Variants in SH3GL2 observed in about 807,000 individuals in gnomAD.
The protein encoded by SH3GL2 is SH3 domain containing GRB2 like 2, endophilin A1.
In SH3GL2, 24 loss-of-function variants were observed where a neutral mutation model predicts 46.0. The observed-to-expected ratio is 0.52, with a 90% CI of 0.38 to 0.73. SH3GL2 has a LOEUF of 0.73. Among genes scored for constraint, SH3GL2 ranks in the 30% least tolerant of loss-of-function variants. SH3GL2 has a pLI of 0.00. For missense variants in SH3GL2, 413 were observed against 424.2 expected (o/e 0.97, Z 0.23); for synonymous variants, 196 against 147.1 (o/e 1.33, Z -2.40).
chr9:17,793,501 A>G lies in SH3GL2; in HGVS notation c.859+4A>G. 1 of 1,612,826 alleles carries G rather than the reference A, an allele frequency of 6.2e-7. No individual in the cohort carries two copies. The highest frequency in any genetic ancestry group is 1.7e-4 in the Middle Eastern group (1 of 6,058). On this transcript the variant is annotated splice_donor_region_variant and intron_variant, in intron 8 of 8. Transcript: ENST00000380607. ...ACAGGCACTCCCAAACCTTCAGGTA[A>G]GAGCTGAAACTGCAGATCCTATTGC...
At chr9:17,675,911 C>T (rs1192015232) in intron 1 of SH3GL2, among the ~76,000 whole-genome samples, 2 of 152,152 alleles carry the variant, frequency 1.3e-5, no homozygotes, top group African/African-American at 4.8e-5. Flanking sequence ...CGCCACTGCA[C>T]TCCAGCCTGG....
chr9:17,601,187 C>G (rs1372178103), intron 1 of SH3GL2, among the ~76,000 whole-genome samples: 1 of 152,066 alleles, frequency 6.6e-6, no homozygotes, highest in Non-Finnish European at 1.5e-5. Context: ...ATGGTCATTT[C>G]TTTTTGGTTG....
At chr9:17,653,943 T>C (rs1223963278) in intron 1 of SH3GL2, 1 of 626,998 alleles carries the variant, frequency 1.6e-6, no homozygotes, top group East Asian at 1.4e-4. Flanking sequence ...AAGAAATGAC[T>C]AGGCAGATCT....
intron 1 of SH3GL2, among the ~76,000 whole-genome samples, chr9:17,663,452 A>C (rs190433314): frequency 2.6e-4 from 39 of 152,202 alleles, no homozygotes; most frequent in Non-Finnish European, 5.0e-4. Flanking sequence ...TGAAATTTTA[A>C]CACACATACT....
rs193156764 is a variant in SH3GL2, at chr9:17,664,987, C to G, written c.46-82079C>G. On this transcript the variant is annotated intron_variant, in intron 1 of 8. Coordinates refer to ENST00000380607, the MANE Select transcript of SH3GL2 (RefSeq NM_003026.5). ...GTTTCTTTTAATTTTAAAATGATGT[C>G]AAACTTACATAAAAGTTCCACAGGT... is the stretch of plus-strand genomic sequence containing the variant. Among the ~76,000 whole-genome samples, 305 of 152,072 alleles carry G rather than the reference C, an allele frequency of 2.0e-3. 1 individual carries two copies. The highest frequency in any genetic ancestry group is 7.2e-3 in the African/African-American group (298 of 41,506).
intron 1 of SH3GL2, among the ~76,000 whole-genome samples, chr9:17,623,056 C>T (rs73642000): frequency 0.011 from 972 of 91,306 alleles, 20 homozygotes; most frequent in African/African-American, 0.036. Flanking sequence ...CCTTCCCCTT[C>T]CCCTTCCCCT....
At chr9:17,597,363 A>C (rs377005928) in intron 1 of SH3GL2, among the ~76,000 whole-genome samples, 84 of 152,246 alleles carry the variant, frequency 5.5e-4, no homozygotes, top group African/African-American at 1.9e-3. Context: ...TAAAATACAA[A>C]AAAATTAGCT....
chr9:17,771,446 C>T (rs1823478330), intron 3 of SH3GL2, among the ~76,000 whole-genome samples: 1 of 152,158 alleles, frequency 6.6e-6, no homozygotes, highest in African/African-American at 2.4e-5. Flanking sequence ...CCAGCAGTTC[C>T]TCCCTGGGCA....
At chr9:17,773,702 T>G (rs1823560424) in intron 3 of SH3GL2, among the ~76,000 whole-genome samples, 1 of 152,140 alleles carries the variant, frequency 6.6e-6, no homozygotes, top group Admixed American at 6.6e-5. Flanking sequence ...TGTATTACCA[T>G]AGCTTTGTAG....
At position 17,793,386 on chromosome 9, in the gene SH3GL2, C is replaced by A. The variant is rs761788869; in HGVS notation, c.748C>A (p.Gln250Lys). The A allele has an allele frequency of 1.2e-6, 2 of 1,612,236 alleles. No individual in the cohort carries two copies. The highest frequency in any genetic ancestry group is 2.7e-5 in the African/African-American group (2 of 74,832). The change falls in exon 8 of 9, where the codon CAG (glutamine) becomes AAG (lysine). Residue 250 changes from glutamine (Q) to lysine (K), a missense_variant. Physicochemically the swap from Gln to Lys is moderately conservative, Grantham distance 53. Transcript: ENST00000380607. ...LEERIRQASS[Q>K]PRREYQPKPR... ...CTGCAGAATAAGACAGGCTTCATCT[C>A]AGCCTAGAAGGGAATATCAACCTAA...
At chr9:17,627,822 C>T (rs1172867044) in intron 1 of SH3GL2, among the ~76,000 whole-genome samples, 1 of 152,196 alleles carries the variant, frequency 6.6e-6, no homozygotes, top group Admixed American at 6.5e-5. Flanking sequence ...GGCCGTGTGG[C>T]TCTTTGTACA....
At chr9:17,681,935 T>A (rs1395022187) in intron 1 of SH3GL2, among the ~76,000 whole-genome samples, 1 of 151,686 alleles carries the variant, frequency 6.6e-6, no homozygotes, top group Non-Finnish European at 1.5e-5. Flanking sequence ...AACAAACATA[T>A]GAAAAAAAGC....
In SH3GL2 at chr9:17,703,020, C is replaced by T. The variant is rs565015298; in HGVS notation, c.46-44046C>T. 4.9e-4 allele frequency among the ~76,000 whole-genome samples: 75 copies of T among 152,038 alleles called. No homozygotes were observed. In the South Asian group the frequency reaches 0.014, roughly 28 times the overall value. ...CTGCCTTAAAAATCGCTTAGGACTGCGACAGATGATGGCCCAGCAGTCTCT... is the reference window on the plus strand; with the variant it reads ...CTGCCTTAAAAATCGCTTAGGACTGTGACAGATGATGGCCCAGCAGTCTCT... On this transcript the variant is annotated intron_variant, in intron 1 of 8. Transcript: ENST00000380607.
rs375812733 is a variant in SH3GL2 at position 17,636,392 on chromosome 9, A to G, written c.45+57105A>G. On this transcript the variant is annotated intron_variant, in intron 1 of 8. Transcript: ENST00000380607. ...CCCAAAACTCCCATCTTTCCAAACA[A>G]TATTATATTGCCCTTCCTGCTAAAC... is the stretch of plus-strand genomic sequence containing the variant. Among the ~76,000 whole-genome samples, 19 of 152,228 alleles carry G rather than the reference A, an allele frequency of 1.2e-4. No homozygotes were observed. In the East Asian group the frequency reaches 1.7e-3, roughly 14 times the overall value.
chr9:17,687,903 C>T (rs1007917221), intron 1 of SH3GL2, among the ~76,000 whole-genome samples: 7 of 152,076 alleles, frequency 4.6e-5, no homozygotes, highest in African/African-American at 1.4e-4. Context: ...TTGCTGCCTA[C>T]AGCCAGTTCT....
At chr9:17,787,779 C>G (rs1477865998) in intron 5 of SH3GL2, among the ~76,000 whole-genome samples, 1 of 151,976 alleles carries the variant, frequency 6.6e-6, no homozygotes, top group Non-Finnish European at 1.5e-5. Context: ...GACTTTTTCT[C>G]CAGAGGATAA....
chr9:17,619,077 C>T (rs748744187), intron 1 of SH3GL2, among the ~76,000 whole-genome samples: 1 of 152,132 alleles, frequency 6.6e-6, no homozygotes, highest in East Asian at 1.9e-4. Context: ...CAATTCTCAG[C>T]ACTTTATGTG....
intron 1 of SH3GL2, among the ~76,000 whole-genome samples, chr9:17,674,607 C>T (rs1265699077): frequency 6.6e-6 from 1 of 152,128 alleles, no homozygotes; most frequent in Non-Finnish European, 1.5e-5. Context: ...AAATCATGGG[C>T]TCATGATTGA....
chr9:17,688,823 A>C lies in SH3GL2; in HGVS notation c.46-58243A>C, dbSNP rs115809408. Among the ~76,000 whole-genome samples, 372 of 152,214 alleles carry C rather than the reference A, an allele frequency of 2.4e-3. 1 individual carries two copies. Among genetic ancestry groups the C allele is most frequent in the African/African-American group, 8.5e-3 (352 of 41,550 alleles). On this transcript the variant is annotated intron_variant, in intron 1 of 8. Coordinates refer to ENST00000380607, the MANE Select transcript of SH3GL2 (RefSeq NM_003026.5). Reference sequence around the variant, plus strand: ...ATATCTATGAGTTCATACTGATGGAAGTAAATGATGGGATAAATTAATAAA... The same window carrying C: ...ATATCTATGAGTTCATACTGATGGACGTAAATGATGGGATAAATTAATAAA...
Sources: gnomAD v4.1 joint callset for allele counts (sites outside exome capture counted in the v4.1 genomes callset) on GRCh38, gnomAD v4.1.1 for gene constraint, MANE v1.5 for transcripts, NCBI Gene and HGNC (gene_info 2026-07-23, HGNC 2026-07-21) for gene names.